PHF14: variants seen among roughly 807,000 people sequenced by gnomAD.
The protein encoded by PHF14 is PHD finger protein 14.
In PHF14, 55 loss-of-function variants were observed where a neutral mutation model predicts 117.9. That is an observed-to-expected ratio of 0.47 (90% CI 0.38 to 0.58). PHF14 has a LOEUF of 0.58. PHF14 is among the 20% of genes least tolerant of loss of function. PHF14 has a pLI of 0.00. For missense variants in PHF14, 978 were observed against 1,122.2 expected, an observed-to-expected ratio of 0.87 and a Z score of 1.84; for synonymous variants, 409 against 368.6, an observed-to-expected ratio of 1.11 and a Z score of -1.26.
chr7:11,138,358 G>A (rs905223513), intron 17 of PHF14, among the ~76,000 whole-genome samples: 1 of 151,992 alleles, frequency 6.6e-6, no homozygotes, highest in Non-Finnish European at 1.5e-5. Flanking sequence ...TATTTCTAAA[G>A]AGACTCCTTA....
At chr7:11,152,811 AACTC>A (rs887739411) in intron 17 of PHF14, among the ~76,000 whole-genome samples, 5 of 152,290 alleles carry the variant, frequency 3.3e-5, no homozygotes, top group South Asian at 4.1e-4. Context: ...AAAGTCAAAG[AACTC>A]ACTCACTGAT....
At chr7:11,168,237 T>C (rs1293579415) in intron 17 of PHF14, among the ~76,000 whole-genome samples, 2 of 152,204 alleles carry the variant, frequency 1.3e-5, no homozygotes, top group Non-Finnish European at 2.9e-5. Context: ...CCTGGTGTTC[T>C]ACATATCTAT....
chr7:11,138,240 A>G (rs1389951680), intron 17 of PHF14, among the ~76,000 whole-genome samples: 1 of 151,514 alleles, frequency 6.6e-6, no homozygotes, highest in Non-Finnish European at 1.5e-5. Flanking sequence ...GCAGGGTTTC[A>G]CCGCGTTAGC....
chr7:11,006,362 A>G (rs1369431175), intron 4 of PHF14: 2 of 469,022 alleles, frequency 4.3e-6, no homozygotes, highest in African/African-American at 4.0e-5. Flanking sequence ...TGGTGAAAAC[A>G]TACACATATA....
chr7:11,149,450 A>T (rs1788645720), intron 17 of PHF14, among the ~76,000 whole-genome samples: 1 of 152,178 alleles, frequency 6.6e-6, no homozygotes, highest in Admixed American at 6.5e-5. Context: ...AAAAAAATGG[A>T]TGAAATGATT....
chr7:11,006,716 C>T, intron 4 of PHF14: 3 of 659,892 alleles, frequency 4.5e-6, no homozygotes, highest in Admixed American at 3.6e-5. Context: ...TCCAGAGTCT[C>T]AGTGTCTTGG....
At chr7:11,138,097 G>A (rs951434960) in intron 17 of PHF14, among the ~76,000 whole-genome samples, 2 of 150,856 alleles carry the variant, frequency 1.3e-5, no homozygotes, top group African/African-American at 4.9e-5. Context: ...CTGGAGTGCA[G>A]TGGCACGATC....
In PHF14 at chr7:10,982,565, G is replaced by A; in HGVS notation, c.306G>A (p.Lys102=). 1.3e-6 allele frequency: 2 copies of A among 1,507,822 alleles called. No homozygotes were observed. The highest frequency in any genetic ancestry group is 2.8e-5 in the African/African-American group (2 of 71,268). The allele number at this position is 1,507,822 out of a possible 1,614,324, so 93.4% of individuals were successfully genotyped here. The change falls in exon 3 of 18, where the codon AAG becomes AAA. Residue 102 remains lysine (K), a synonymous_variant. Coordinates refer to ENST00000634607, the MANE Select transcript of PHF14 (RefSeq NM_001007157.2). ...AACAATTAATTAAAATGGAAAAGAA[G>A]GAAGAAGAAGAAAATGGAGAAAGAC... is the stretch of plus-strand genomic sequence containing the variant. ...SEKQLIKMEK[K]EEEENGERPR...
intron 3 of PHF14, among the ~76,000 whole-genome samples, chr7:10,983,517 G>T (rs983631368): frequency 6.6e-6 from 1 of 152,048 alleles, no homozygotes; most frequent in African/African-American, 2.4e-5. Context: ...TGAAAACAAA[G>T]GTCACCTTTC....
chr7:10,981,637 A>C (rs1782047408), intron 2 of PHF14, among the ~76,000 whole-genome samples: 1 of 152,178 alleles, frequency 6.6e-6, no homozygotes, highest in South Asian at 2.1e-4. Context: ...AATTTCTTCC[A>C]TTCTAGAGCA....
At chr7:11,058,029 C>T (rs1034662118) in intron 14 of PHF14, among the ~76,000 whole-genome samples, 1 of 152,158 alleles carries the variant, frequency 6.6e-6, no homozygotes, top group Admixed American at 6.5e-5. Flanking sequence ...TTCCAGGTAA[C>T]GTATCTGTGT....
chr7:11,126,238 G>A (rs1321940194), intron 17 of PHF14, among the ~76,000 whole-genome samples: 1 of 152,022 alleles, frequency 6.6e-6, no homozygotes, highest in Non-Finnish European at 1.5e-5. Context: ...ACAACCAACA[G>A]CAAATCATCT....
At chr7:11,004,091 C>T (rs220092) in intron 4 of PHF14, among the ~76,000 whole-genome samples, 62,435 of 151,416 alleles carry the variant, frequency 0.41, 14,762 homozygotes, top group Non-Finnish European at 0.53. Context: ...CTACAAAATA[C>T]AGAAAAATCA....
chr7:11,152,661 C>G (rs1023182292), intron 17 of PHF14, among the ~76,000 whole-genome samples: 3 of 151,928 alleles, frequency 2.0e-5, no homozygotes, highest in Non-Finnish European at 4.4e-5. Flanking sequence ...ATAAGAAAAA[C>G]AGAAAATCTG....
chr7:11,147,946 T>G lies in PHF14; in HGVS notation c.2773-21470T>G, dbSNP rs188096931. ...AGAATTATTGGTTTCTTGATTCTTC[T>G]CTATTCCCATCACAATTTACTTCTC... is the stretch of plus-strand genomic sequence containing the variant. On this transcript the variant is annotated intron_variant, in intron 17 of 17. Transcript: ENST00000634607. 3.9e-5 allele frequency among the ~76,000 whole-genome samples: 6 copies of G among 152,316 alleles called. 1 individual carries two copies. Among genetic ancestry groups the G allele is most frequent in the Admixed American group, 3.3e-4 (5 of 15,294 alleles).
At chr7:11,060,751 A>G (rs922096778) in intron 14 of PHF14, among the ~76,000 whole-genome samples, 1 of 152,186 alleles carries the variant, frequency 6.6e-6, no homozygotes, top group South Asian at 2.1e-4. Context: ...AATTACTTCC[A>G]TAATATAATT....
chr7:11,021,465 C>A (rs117442726), intron 5 of PHF14, among the ~76,000 whole-genome samples: 1,572 of 152,196 alleles, frequency 0.01, 15 homozygotes, highest in Middle Eastern at 0.027. Flanking sequence ...AGTTGGTATC[C>A]TCACATGAGT....
intron 4 of PHF14, among the ~76,000 whole-genome samples, chr7:10,994,972 A>G (rs1782584028): frequency 6.6e-6 from 1 of 152,164 alleles, no homozygotes; most frequent in Non-Finnish European, 1.5e-5. Context: ...CCCCACCCAC[A>G]TCCTGCTGAT....
chr7:11,129,548 C>CTTT lies in PHF14; in HGVS notation c.2772+18096_2772+18098dup, dbSNP rs71023891. On this transcript the variant is annotated intron_variant, in intron 17 of 17. Coordinates refer to ENST00000634607, the MANE Select transcript of PHF14 (RefSeq NM_001007157.2). The stretch of plus-strand genomic sequence containing the variant: ...AAATGCCTATTTTGTGTGTATGTTT[C>CTTT]TTTTTTTTTTTTTTTTTGCCTTTAC... Among the ~76,000 whole-genome samples the CTTT allele has an allele frequency of 6.7e-4, 90 of 133,458 alleles. 2 individuals are homozygous for CTTT. Among genetic ancestry groups the CTTT allele is most frequent in the African/African-American group, 2.3e-3 (85 of 37,370 alleles). The allele number at this position is 133,458 out of a possible 152,430, so 87.6% of individuals were successfully genotyped here. A position where few individuals can be genotyped will look rare whatever the true frequency, so the allele number is the denominator to read the frequency against.
Sources: gnomAD v4.1 joint callset for allele counts (sites outside exome capture counted in the v4.1 genomes callset) on GRCh38, gnomAD v4.1.1 for gene constraint, MANE v1.5 for transcripts, NCBI Gene and HGNC (gene_info 2026-07-23, HGNC 2026-07-21) for gene names.